PIP5K1B: variants seen among roughly 807,000 people sequenced by gnomAD.
PIP5K1B encodes phosphatidylinositol-4-phosphate 5-kinase type 1 beta.
PIP5K1B carries 42 observed loss-of-function variants against 67.0 expected under a neutral mutation model. The ratio of observed to expected loss-of-function variants is 0.63; its 90% CI spans 0.49 to 0.81. The LOEUF is 0.81. PIP5K1B is among the 30% of genes least tolerant of loss of function. PIP5K1B has a pLI of 0.00. For synonymous variants in PIP5K1B, 214 were observed against 231.4 expected (o/e 0.92, Z 0.68); for missense variants, 459 against 646.3 (o/e 0.71, Z 3.14).
intron 4 of PIP5K1B, among the ~76,000 whole-genome samples, chr9:68,826,606 G>A (rs1833998813): frequency 6.6e-6 from 1 of 152,114 alleles, no homozygotes. Flanking sequence ...GAAGAAAAAA[G>A]GAGGATGCAA....
At chr9:69,004,595 C>T (rs945443697) in intron 15 of PIP5K1B, among the ~76,000 whole-genome samples, 2 of 152,114 alleles carry the variant, frequency 1.3e-5, no homozygotes, top group Admixed American at 6.6e-5. Context: ...TCTTGGTTGA[C>T]CTTGAGGAGA....
At chr9:68,994,855 A>G (rs767093963) in intron 15 of PIP5K1B, among the ~76,000 whole-genome samples, 1 of 152,162 alleles carries the variant, frequency 6.6e-6, no homozygotes, top group African/African-American at 2.4e-5. Flanking sequence ...GAATTATTAA[A>G]TCAGGTTCAT....
At chr9:68,918,520 TGTG>T (rs1470364564) in intron 9 of PIP5K1B, among the ~76,000 whole-genome samples, 1 of 152,220 alleles carries the variant, frequency 6.6e-6, no homozygotes, top group Non-Finnish European at 1.5e-5. Context: ...CTCAGCCAGA[TGTG>T]GTAGTAACTA....
At chr9:68,939,310 C>G (rs2132630459) in intron 13 of PIP5K1B, among the ~76,000 whole-genome samples, 1 of 152,298 alleles carries the variant, frequency 6.6e-6, no homozygotes, top group Non-Finnish European at 1.5e-5. Context: ...GCCATGTCTA[C>G]TTTGTGAAGT....
At chr9:68,784,305 A>G (rs571847665) in intron 2 of PIP5K1B, 31 of 151,384 alleles carry the variant, frequency 2.0e-4, no homozygotes, top group Non-Finnish European at 1.6e-4. Flanking sequence ...CCTAAAGTCA[A>G]TAGCAACATT....
At chr9:68,914,470 C>A (rs182112708) in intron 8 of PIP5K1B, among the ~76,000 whole-genome samples, 245 of 152,312 alleles carry the variant, frequency 1.6e-3, no homozygotes, top group African/African-American at 5.7e-3. Context: ...AATCCCAGCA[C>A]TTTGGGAGGC....
chr9:68,862,662 C>T (rs1444778103), intron 4 of PIP5K1B, among the ~76,000 whole-genome samples: 1 of 151,912 alleles, frequency 6.6e-6, no homozygotes, highest in African/African-American at 2.4e-5. Flanking sequence ...TGTGGTGGTG[C>T]ATGCCTGTAG....
intron 2 of PIP5K1B, among the ~76,000 whole-genome samples, chr9:68,808,816 G>A (rs1833008378): frequency 6.6e-6 from 1 of 152,210 alleles, no homozygotes; most frequent in South Asian, 2.1e-4. Context: ...TCTCCATTTG[G>A]ATTCATAGCG....
chr9:68,917,743 A>G lies in PIP5K1B; in HGVS notation c.967A>G (p.Thr323Ala). The change falls in exon 9 of 16, where the codon ACA (threonine) becomes GCA (alanine). Residue 323 changes from threonine (T) to alanine (A), a missense_variant. Transcript: ENST00000265382. ...AGGGAAATCTGGAGATGGGATAATC[A>G]CAGAGAACCCAGACACGTAAGTGCA... is the stretch of plus-strand genomic sequence containing the variant. Reference protein sequence around the residue: ...GPGKSGDGIITENPDTMGGIP... With the variant: ...GPGKSGDGIIAENPDTMGGIP... The G allele has an allele frequency of 6.2e-7, 1 of 1,613,764 alleles. No individual in the cohort carries two copies. The highest frequency in any genetic ancestry group is 8.5e-7 in the Non-Finnish European group (1 of 1,179,700).
At chr9:68,741,771 C>T (rs544568875) in intron 1 of PIP5K1B, 2 of 152,390 alleles carry the variant, frequency 1.3e-5, no homozygotes, top group East Asian at 3.9e-4. Context: ...TTTCTCTTCA[C>T]CCTCTCTAGC....
intron 2 of PIP5K1B, among the ~76,000 whole-genome samples, chr9:68,743,033 G>C (rs1448791258): frequency 6.6e-6 from 1 of 152,128 alleles, no homozygotes; most frequent in Non-Finnish European, 1.5e-5. Context: ...CTCATCAGCT[G>C]TCAGACTTTG....
At chr9:68,897,866 G>T (rs1244658348) in intron 8 of PIP5K1B, among the ~76,000 whole-genome samples, 1 of 151,590 alleles carries the variant, frequency 6.6e-6, no homozygotes, top group Non-Finnish European at 1.5e-5. Flanking sequence ...ATTTCCTTTA[G>T]CATGAGTGCT....
intron 4 of PIP5K1B, among the ~76,000 whole-genome samples, chr9:68,860,684 T>G (rs184518349): frequency 1.3e-5 from 2 of 152,292 alleles, no homozygotes. Flanking sequence ...CAAAGGGACT[T>G]GGGCAAGTCA....
chr9:68,974,298 GGCTCTAGAA>G (rs1409939967), intron 14 of PIP5K1B, among the ~76,000 whole-genome samples: 1 of 152,158 alleles, frequency 6.6e-6, no homozygotes. Context: ...TTAAAGTATA[GGCTCTAGAA>G]TCACCTGCTT....
intron 2 of PIP5K1B, chr9:68,780,402 A>G: frequency 6.2e-7 from 1 of 1,613,894 alleles, no homozygotes; most frequent in South Asian, 1.1e-5. Flanking sequence ...CCCTGTCCGC[A>G]TGCACAGCAG....
intron 4 of PIP5K1B, among the ~76,000 whole-genome samples, chr9:68,860,780 GT>G (rs1482101362): frequency 6.6e-6 from 1 of 152,174 alleles, no homozygotes; most frequent in African/African-American, 2.4e-5. Context: ...GGTCAAATGA[GT>G]GAGGAGATTC....
In PIP5K1B at chr9:68,923,399, T is replaced by C. The variant is rs1826511602; in HGVS notation, c.1201+13T>C. ...AAGAAAATTCAAGGTAAGATTCTTA[T>C]GAATTTTTTTTTTTACTTTTAGCAG... is the stretch of plus-strand genomic sequence containing the variant. On this transcript the variant is annotated intron_variant, in intron 12 of 15. Transcript: ENST00000265382. 4.9e-6 allele frequency: 7 copies of C among 1,439,058 alleles called. No homozygotes were observed. Among genetic ancestry groups the C allele is most frequent in the Middle Eastern group, 3.7e-4 (2 of 5,388 alleles). The allele number at this position is 1,439,058 out of a possible 1,614,324, so 89.1% of individuals were successfully genotyped here.
chr9:68,772,209 A>C (rs574838737), intron 2 of PIP5K1B, among the ~76,000 whole-genome samples: 1 of 152,286 alleles, frequency 6.6e-6, no homozygotes, highest in Admixed American at 6.5e-5. Context: ...ACTCCTCCAA[A>C]CATCCCTCTG....
At chr9:68,810,724 G>C (rs2132024577) in intron 2 of PIP5K1B, among the ~76,000 whole-genome samples, 1 of 152,238 alleles carries the variant, frequency 6.6e-6, no homozygotes. Flanking sequence ...AAAACTTTCG[G>C]TAACTATAGA....
Sources: gnomAD v4.1 joint callset for allele counts (sites outside exome capture counted in the v4.1 genomes callset) on GRCh38, gnomAD v4.1.1 for gene constraint, MANE v1.5 for transcripts, NCBI Gene and HGNC (gene_info 2026-07-23, HGNC 2026-07-21) for gene names.